The following CNNM2 variants were observed in gnomAD, a reference collection of about 807,000 sequenced individuals.
CNNM2 encodes metal transporter CNNM2.
Under a neutral mutation model 66.9 loss-of-function variants are expected in CNNM2, and 12 were observed. The ratio of observed to expected loss-of-function variants is 0.18; its 90% CI spans 0.11 to 0.29. CNNM2 has a LOEUF of 0.29. Ranked by LOEUF, CNNM2 falls within the 10% of genes least tolerant of loss-of-function variation. CNNM2 has a pLI of 1.00. For synonymous variants in CNNM2, 557 were observed against 501.8 expected, an observed-to-expected ratio of 1.11 and a Z score of -1.47; for missense variants, 705 against 1,167.7, an observed-to-expected ratio of 0.60 and a Z score of 5.77.
At chr10:102,988,384 C>T (rs546632448) in intron 1 of CNNM2, among the ~76,000 whole-genome samples, 1 of 152,140 alleles carries the variant, frequency 6.6e-6, no homozygotes, top group South Asian at 2.1e-4. Context: ...GGTGTTAATA[C>T]GTTTTAGACT....
intron 1 of CNNM2, among the ~76,000 whole-genome samples, chr10:102,958,091 C>T (rs1847113276): frequency 6.6e-6 from 1 of 152,086 alleles, no homozygotes; most frequent in Non-Finnish European, 1.5e-5. Context: ...CATGTGCCAC[C>T]ACACCCGGCT....
intron 4 of CNNM2, among the ~76,000 whole-genome samples, chr10:103,058,793 G>T (rs190834162): frequency 6.6e-6 from 1 of 152,300 alleles, no homozygotes; most frequent in African/African-American, 2.4e-5. Flanking sequence ...CAGACAGCCA[G>T]TTACCTAAGG....
At chr10:102,963,907 C>T (rs914389166) in intron 1 of CNNM2, among the ~76,000 whole-genome samples, 6 of 152,060 alleles carry the variant, frequency 3.9e-5, no homozygotes, top group Admixed American at 6.6e-5. Context: ...GTTAAGGAAT[C>T]GTGTTTTCTG....
intron 1 of CNNM2, among the ~76,000 whole-genome samples, chr10:102,996,778 T>C (rs575957086): frequency 1.3e-5 from 2 of 152,384 alleles, no homozygotes; most frequent in African/African-American, 4.8e-5. Context: ...GTTCACTTCA[T>C]ATCCTAGTAG....
intron 1 of CNNM2, 97 bp from the exon 2 acceptor site, chr10:103,049,610 G>C (rs779727783): frequency 3.1e-5 from 34 of 1,106,104 alleles, no homozygotes; most frequent in African/African-American, 4.7e-5. Context: ...TTGATAATTC[G>C]ACATCTGTGT....
chr10:103,017,936 C>T (rs952963280), intron 1 of CNNM2, among the ~76,000 whole-genome samples: 12 of 135,702 alleles, frequency 8.8e-5, no homozygotes, highest in African/African-American at 3.3e-4. Context: ...TGCTCTCCAG[C>T]CTGGGGGACA....
intron 1 of CNNM2, among the ~76,000 whole-genome samples, chr10:103,026,403 C>T (rs1467387697): frequency 6.6e-6 from 1 of 151,900 alleles, no homozygotes; most frequent in South Asian, 2.1e-4. Context: ...AGTTTGAGAC[C>T]AGTCTGGGAA....
At position 103,054,597 on chromosome 10, in the gene CNNM2, GT is replaced by G; in HGVS notation, c.1903+139del. The G allele has an allele frequency of 2.9e-5, 22 of 746,518 alleles. No homozygotes were observed. The highest frequency in any genetic ancestry group is 8.1e-5 in the Admixed American group (2 of 24,596). The allele number at this position is 746,518 out of a possible 1,614,324, so 46.2% of individuals were successfully genotyped here. A position where few individuals can be genotyped will look rare whatever the true frequency, so the allele number is the denominator to read the frequency against. ...ATAAGTAATGCCACTTTTGTGTTTT[GT>G]TTTTTTTGTTTTTTTGTTTTGTTTT... is the stretch of plus-strand genomic sequence containing the variant. On this transcript the variant is annotated intron_variant, in intron 3 of 7. Transcript: ENST00000369878. The surrounding 1 kb of genome is among the most constrained non-coding windows in gnomAD (Gnocchi z 5.2).
intron 1 of CNNM2, among the ~76,000 whole-genome samples, chr10:102,923,851 A>G (rs1392154067): frequency 1.3e-5 from 2 of 152,196 alleles, no homozygotes; most frequent in Non-Finnish European, 2.9e-5. Flanking sequence ...TGTTTTTCCC[A>G]TAGCTAAATT....
intron 1 of CNNM2, among the ~76,000 whole-genome samples, chr10:102,926,078 T>A (rs932260253): frequency 4.6e-5 from 7 of 152,228 alleles, no homozygotes; most frequent in South Asian, 2.1e-4. Context: ...CCTTGACTTT[T>A]CATTTCTGTT....
chr10:102,953,716 T>C (rs1425195868), intron 1 of CNNM2, among the ~76,000 whole-genome samples: 2 of 151,964 alleles, frequency 1.3e-5, no homozygotes, highest in African/African-American at 2.4e-5. Flanking sequence ...CGTGCCACCA[T>C]GTCTGGCTAA....
chr10:103,038,028 C>T (rs368460003), intron 1 of CNNM2, among the ~76,000 whole-genome samples: 7 of 152,086 alleles, frequency 4.6e-5, no homozygotes, highest in African/African-American at 1.4e-4. Context: ...TTAGTAGAGA[C>T]GGGGTTTCAC....
chr10:102,919,282 C>T lies in CNNM2; in HGVS notation c.802C>T (p.Leu268=), dbSNP rs774274581. 3.7e-6 allele frequency: 6 copies of T among 1,613,922 alleles called. No homozygotes were observed. In the African/African-American group the frequency reaches 4.0e-5, roughly 11 times the overall value. The change falls in exon 1 of 8, where the codon CTG becomes TTG. Residue 268 remains leucine, a synonymous_variant. Coordinates refer to ENST00000369878, the MANE Select transcript of CNNM2 (RefSeq NM_017649.5). Reference sequence around the variant, plus strand: ...GATCTTCATTTCGCTGCTGCTGTGCCTGTCGGGCATGTTCAGCGGCCTCAA... The same window carrying T: ...GATCTTCATTTCGCTGCTGCTGTGCTTGTCGGGCATGTTCAGCGGCCTCAA... ...QVIFISLLLC[L]SGMFSGLNLG...
At chr10:103,020,280 C>T (rs948523927) in intron 1 of CNNM2, among the ~76,000 whole-genome samples, 9 of 151,958 alleles carry the variant, frequency 5.9e-5, no homozygotes, top group Non-Finnish European at 1.2e-4. Flanking sequence ...CTTAGTCTCC[C>T]GAGTAGCTGG....
rs375325496 is a variant in CNNM2 at position 103,068,679 on chromosome 10, C to T, written c.2124C>T (p.Ser708=). ...AGKEGMKFEA[S]AFSYYGVMAL... is the part of the protein sequence containing the mutation. ...AAGAAGGTATGAAGTTTGAAGCGAGCGCCTTCTCATACTATGGCGTGATGG... is the reference window on the plus strand; with the variant it reads ...AAGAAGGTATGAAGTTTGAAGCGAGTGCCTTCTCATACTATGGCGTGATGG... The change falls in exon 5 of 8, where the codon AGC becomes AGT. Residue 708 remains serine, a synonymous_variant. Coordinates refer to ENST00000369878, the MANE Select transcript of CNNM2 (RefSeq NM_017649.5). The T allele has an allele frequency of 1.7e-5, 28 of 1,613,010 alleles. No homozygotes were observed. The African/African-American group carries it at 2.0e-4, about 12-fold the overall frequency.
intron 1 of CNNM2, among the ~76,000 whole-genome samples, chr10:102,994,849 A>G (rs1055122586): frequency 1.3e-5 from 2 of 152,200 alleles, no homozygotes; most frequent in African/African-American, 4.8e-5. Flanking sequence ...CTCTTTCCAA[A>G]TCCATGTTAG....
chr10:102,951,526 C>G (rs2134191901), intron 1 of CNNM2, among the ~76,000 whole-genome samples: 1 of 152,034 alleles, frequency 6.6e-6, no homozygotes, highest in East Asian at 1.9e-4. Context: ...CTGAGTCATT[C>G]TGTGGGCTTT....
chr10:102,950,403 G>T (rs1191660965), intron 1 of CNNM2, among the ~76,000 whole-genome samples: 1 of 152,136 alleles, frequency 6.6e-6, no homozygotes, highest in African/African-American at 2.4e-5. Context: ...AACTGTGCAT[G>T]TATTTTTTAA....
intron 1 of CNNM2, among the ~76,000 whole-genome samples, chr10:103,022,679 T>C (rs2064609582): frequency 1.3e-5 from 2 of 152,206 alleles, no homozygotes; most frequent in South Asian, 4.1e-4. Flanking sequence ...GATTCATGTA[T>C]TAGTCCATTT....
Sources: gnomAD v4.1 joint callset for allele counts (sites outside exome capture counted in the v4.1 genomes callset) on GRCh38, gnomAD v4.1.1 for gene constraint, Gnocchi (gnomAD v3.1) non-coding constraint, MANE v1.5 for transcripts, NCBI Gene and HGNC (gene_info 2026-07-23, HGNC 2026-07-21) for gene names.